Variants in ECT2 observed in about 807,000 individuals in gnomAD.
The protein encoded by ECT2 is epithelial cell transforming 2.
ECT2 carries 61 observed loss-of-function variants against 116.9 expected under a neutral mutation model. That is an observed-to-expected ratio of 0.52 (90% CI 0.42 to 0.65). The LOEUF (loss-of-function observed/expected upper bound fraction) is 0.65. Ranked by LOEUF, ECT2 falls within the 30% of genes least tolerant of loss-of-function variation. The pLI, the probability that ECT2 is intolerant of heterozygous loss-of-function variation, is 0.00. For synonymous variants in ECT2, 358 were observed against 346.4 expected, an observed-to-expected ratio of 1.03 and a Z score of -0.37; for missense variants, 937 against 1,078.7, an observed-to-expected ratio of 0.87 and a Z score of 1.84.
chr3:172,777,509 A>G (rs1349991157), intron 14 of ECT2, among the ~76,000 whole-genome samples: 3 of 152,204 alleles, frequency 2.0e-5, no homozygotes, highest in African/African-American at 7.2e-5. Flanking sequence ...TTTGAGTAAG[A>G]TGAAAATTTT....
At chr3:172,775,892 C>T (rs1721573450) in intron 14 of ECT2, among the ~76,000 whole-genome samples, 1 of 152,086 alleles carries the variant, frequency 6.6e-6, no homozygotes, top group African/African-American at 2.4e-5. Flanking sequence ...CCTCGACCTC[C>T]CAAGGTGCTG....
chr3:172,806,974 C>T (rs1295255896), intron 21 of ECT2, among the ~76,000 whole-genome samples: 1 of 152,090 alleles, frequency 6.6e-6, no homozygotes, highest in Non-Finnish European at 1.5e-5. Context: ...ACTTGAACAG[C>T]AACTTCCTGC....
chr3:172,793,860 C>T (rs771812438), intron 18 of ECT2, among the ~76,000 whole-genome samples: 1 of 151,932 alleles, frequency 6.6e-6, no homozygotes, highest in Non-Finnish European at 1.5e-5. Flanking sequence ...TGTTAAATGT[C>T]TTTTCATGTG....
chr3:172,810,378 A>C (rs1024265027), intron 22 of ECT2, among the ~76,000 whole-genome samples: 1 of 152,166 alleles, frequency 6.6e-6, no homozygotes, highest in Non-Finnish European at 1.5e-5. Flanking sequence ...GAGTTTTTAA[A>C]CTTGTAAGTA....
downstream of ECT2, among the ~76,000 whole-genome samples, chr3:172,822,301 A>C (rs1198599888): frequency 6.6e-6 from 1 of 151,994 alleles, no homozygotes; most frequent in African/African-American, 2.4e-5. Context: ...ATGTCTGAGT[A>C]AGCTACTACA....
intron 11 of ECT2, among the ~76,000 whole-genome samples, chr3:172,763,934 T>C (rs1299330694): frequency 1.3e-5 from 2 of 152,238 alleles, no homozygotes; most frequent in African/African-American, 4.8e-5. Context: ...GAAAGCATTG[T>C]GTCCAGGCAC....
chr3:172,762,570 G>A lies in ECT2; in HGVS notation c.889+24G>A, dbSNP rs370177109. On this transcript the variant is annotated intron_variant, in intron 9 of 24. Transcript: ENST00000392692. Reference sequence around the variant, plus strand: ...AGGTAAAATTTAGCATAATGTAAAAGTTATATCTATTTTAGTCCCTAGGCC... The same window carrying A: ...AGGTAAAATTTAGCATAATGTAAAAATTATATCTATTTTAGTCCCTAGGCC... 7 of 1,583,306 alleles carry A rather than the reference G, an allele frequency of 4.4e-6. No homozygotes were observed. The African/African-American group carries it at 9.6e-5, about 22-fold the overall frequency.
At position 172,821,258 on chromosome 3, in the gene ECT2, A is replaced by G. The variant is rs1183500653; in HGVS notation, c.*1021A>G. 6.6e-6 allele frequency: 1 copy of G among 151,926 alleles called. No homozygotes were observed. The highest frequency in any genetic ancestry group is 2.4e-5 in the African/African-American group (1 of 41,430). The allele number at this position is 151,926 out of a possible 1,614,324, so 9.4% of individuals were successfully genotyped here. A position where few individuals can be genotyped will look rare whatever the true frequency, so the allele number is the denominator to read the frequency against. Reference sequence around the variant, plus strand: ...AGTAATTCAGAATAATCAAGTTCATATGGATAAATGCATTTTTATTTCCTA... The same window carrying G: ...AGTAATTCAGAATAATCAAGTTCATGTGGATAAATGCATTTTTATTTCCTA... On this transcript the variant is annotated 3_prime_UTR_variant, in exon 25 of 25. Transcript: ENST00000392692.
chr3:172,804,410 T>C (rs776306576), intron 20 of ECT2, among the ~76,000 whole-genome samples: 1 of 152,162 alleles, frequency 6.6e-6, no homozygotes, highest in Non-Finnish European at 1.5e-5. Flanking sequence ...GACTGTCTCC[T>C]GAAGTGAGAA....
intron 18 of ECT2, among the ~76,000 whole-genome samples, chr3:172,786,960 T>G (rs1281444098): frequency 6.6e-6 from 1 of 152,250 alleles, no homozygotes; most frequent in African/African-American, 2.4e-5. Flanking sequence ...TTTTTCACTT[T>G]AATTTTTAAA....
At chr3:172,762,841 A>G in intron 10 of ECT2, 35 bp downstream of exon 10, 1 of 1,609,120 alleles carries the variant, frequency 6.2e-7, no homozygotes, top group Non-Finnish European at 8.5e-7. Flanking sequence ...GTTTTTAAAA[A>G]CACTATTAAT....
chr3:172,768,061 T>G (rs59995197), intron 12 of ECT2, among the ~76,000 whole-genome samples: 9,319 of 152,232 alleles, frequency 0.061, 962 homozygotes, highest in African/African-American at 0.21. Context: ...GAAATGTATA[T>G]GAAATACACT....
the ECT2 span, chr3:172,828,814 A>G: frequency 1.3e-4 from 102 of 756,568 alleles, no homozygotes; most frequent in African/African-American, 1.8e-3. Context: ...CCAGAATGGC[A>G]TAGGAGAAGA....
At chr3:172,814,596 ATTAC>A (rs1270450934) in intron 22 of ECT2, among the ~76,000 whole-genome samples, 4 of 152,236 alleles carry the variant, frequency 2.6e-5, no homozygotes, top group Admixed American at 6.5e-5. Context: ...AATATTTTTA[ATTAC>A]TTAGAAATTA....
chr3:172,755,412 A>G (rs943629010), intron 3 of ECT2, 38 bp downstream of exon 3: 4 of 1,564,872 alleles, frequency 2.6e-6, no homozygotes, highest in Admixed American at 2.0e-5. Flanking sequence ...TTGTAATGCA[A>G]TTTTTCTTCC....
intron 24 of ECT2, among the ~76,000 whole-genome samples, chr3:172,817,230 A>G (rs957355558): frequency 6.6e-6 from 1 of 152,080 alleles, no homozygotes; most frequent in Non-Finnish European, 1.5e-5. Flanking sequence ...CCCCTAGTGC[A>G]CTTTAAACCT....
At chr3:172,824,322 A>G (rs1730789515), downstream of ECT2, among the ~76,000 whole-genome samples, 1 of 152,162 alleles carries the variant, frequency 6.6e-6, no homozygotes, top group Non-Finnish European at 1.5e-5. Flanking sequence ...GCCTCAGGAA[A>G]TTTACAATCA....
In ECT2 at chr3:172,755,545, T is replaced by C; in HGVS notation, c.273T>C (p.Asp91=). 1 of 1,486,266 alleles carries C rather than the reference T, an allele frequency of 6.7e-7. No individual in the cohort carries two copies. The allele number at this position is 1,486,266 out of a possible 1,614,324, so 92.1% of individuals were successfully genotyped here. Residue 91 remains aspartate, a synonymous_variant, in exon 4 of 25, where the codon GAT becomes GAC. Transcript: ENST00000392692. ...KIKESCPGKS[D]EKLIKSVINM... ...AAGAAAGTTGTCCTGGAAAATCGGA[T>C]GAAAAATTAATAAAAAGTGTTATTA...
chr3:172,774,296 C>G (rs540026145), intron 14 of ECT2, among the ~76,000 whole-genome samples: 2 of 152,140 alleles, frequency 1.3e-5, no homozygotes, highest in Admixed American at 1.3e-4. Flanking sequence ...CACCTGGGCT[C>G]AAGCAATTCT....
Sources: allele counts gnomAD v4.1 joint callset (sites outside exome capture counted in the v4.1 genomes callset), GRCh38; gene constraint gnomAD v4.1.1; transcripts MANE v1.5; gene names NCBI Gene and HGNC (gene_info 2026-07-23, HGNC 2026-07-21).